Variants in NR1D2 observed in about 807,000 individuals in gnomAD.
NR1D2 encodes V-erbA-related protein 1-related.
In NR1D2, 25 loss-of-function variants were observed where a neutral mutation model predicts 52.2. The observed-to-expected ratio is 0.48, with a 90% CI of 0.35 to 0.67. The LOEUF (loss-of-function observed/expected upper bound fraction) is 0.67. NR1D2 is among the 30% of genes least tolerant of loss of function. NR1D2 has a pLI of 0.01. For synonymous variants in NR1D2, 259 were observed against 230.1 expected, an observed-to-expected ratio of 1.13 and a Z score of -1.14; for missense variants, 681 against 707.2, an observed-to-expected ratio of 0.96 and a Z score of 0.42.
chr3:23,953,466 G>A (rs1467803058), intron 1 of NR1D2, among the ~76,000 whole-genome samples: 1 of 151,044 alleles, frequency 6.6e-6, no homozygotes. Context: ...CAGCCTTACT[G>A]TTATTCTGGT....
chr3:23,962,677 T>C (rs1706316208), intron 5 of NR1D2, 72 bp downstream of exon 5: 2 of 1,417,418 alleles, frequency 1.4e-6, no homozygotes, highest in African/African-American at 2.9e-5. Flanking sequence ...ATTCGGGAGA[T>C]ATGCTAACTT....
At chr3:23,949,147 C>T (rs530144533) in intron 1 of NR1D2, among the ~76,000 whole-genome samples, 9 of 152,244 alleles carry the variant, frequency 5.9e-5, no homozygotes, top group Admixed American at 3.9e-4. Flanking sequence ...GGGCAGATCA[C>T]CTGAGGTCAG....
chr3:23,947,784 G>GT (rs1705792461), intron 1 of NR1D2, among the ~76,000 whole-genome samples: 1 of 150,888 alleles, frequency 6.6e-6, no homozygotes, highest in Admixed American at 6.6e-5. Flanking sequence ...CATGTTTACA[G>GT]TTTCTGCTAT....
chr3:23,958,772 AC>A (rs1197148891), intron 3 of NR1D2, among the ~76,000 whole-genome samples: 1 of 151,696 alleles, frequency 6.6e-6, no homozygotes, highest in African/African-American at 2.4e-5. Flanking sequence ...ACATGGTGAA[AC>A]CCTGTCTCTA....
At chr3:23,963,339 A>T (rs1368221772) in intron 5 of NR1D2, 1 of 1,334,502 alleles carries the variant, frequency 7.5e-7, no homozygotes, top group East Asian at 4.6e-5. Flanking sequence ...AGGTAATTAA[A>T]GTCGTCTTTT....
At chr3:23,945,675 G>A (rs1435146354) in intron 1 of NR1D2, 81 bp downstream of exon 1, 9 of 961,222 alleles carry the variant, frequency 9.4e-6, no homozygotes, top group South Asian at 5.0e-5. Context: ...GGCGGCGGCA[G>A]GGGGTGTCCC....
At chr3:23,953,228 A>T (rs1336354846) in intron 1 of NR1D2, among the ~76,000 whole-genome samples, 2 of 150,852 alleles carry the variant, frequency 1.3e-5, no homozygotes, top group East Asian at 3.9e-4. Context: ...CTGTAGTCCC[A>T]GCTATTCAGG....
chr3:23,966,321 C>A (rs1706450135), intron 6 of NR1D2, among the ~76,000 whole-genome samples: 1 of 152,214 alleles, frequency 6.6e-6, no homozygotes. Context: ...ACCGATTTAA[C>A]TTGGATGTCA....
At chr3:23,950,537 A>C (rs536038388) in intron 1 of NR1D2, among the ~76,000 whole-genome samples, 1 of 152,340 alleles carries the variant, frequency 6.6e-6, no homozygotes, top group South Asian at 2.1e-4. Flanking sequence ...TAAGAAATTA[A>C]AATTTAACCC....
intron 3 of NR1D2, 49 bp downstream of exon 3, chr3:23,956,174 A>T: frequency 3.4e-6 from 5 of 1,458,650 alleles, no homozygotes; most frequent in Non-Finnish European, 4.8e-6. Flanking sequence ...GGATTTAAGA[A>T]GTTGGGTTTA....
At chr3:23,972,823 G>T (rs4858569) in intron 7 of NR1D2, among the ~76,000 whole-genome samples, 2 of 152,084 alleles carry the variant, frequency 1.3e-5, no homozygotes, top group South Asian at 4.1e-4. Flanking sequence ...TTACCATCCA[G>T]CCAGGTTTGT....
At chr3:23,948,409 T>C (rs1046494578) in intron 1 of NR1D2, among the ~76,000 whole-genome samples, 2 of 152,124 alleles carry the variant, frequency 1.3e-5, no homozygotes, top group African/African-American at 4.8e-5. Context: ...TGAAGAAAAG[T>C]TGCTCTACTG....
chr3:23,977,591 A>G lies in NR1D2; in HGVS notation c.*172A>G. On this transcript the variant is annotated 3_prime_UTR_variant, in exon 8 of 8. Coordinates refer to ENST00000312521, the MANE Select transcript of NR1D2 (RefSeq NM_005126.5). ...TGTTCGGATTGAGAACTCTTCAGCC[A>G]TGATTAGACGTTGACTGCATCTCCC... 4.6e-6 allele frequency: 2 copies of G among 436,602 alleles called. No homozygotes were observed. Among genetic ancestry groups the G allele is most frequent in the South Asian group, 7.2e-5 (1 of 13,834 alleles). 27.0% of individuals were successfully genotyped at this position (436,602 alleles called of 1,614,324 possible). A position where few individuals can be genotyped will look rare whatever the true frequency, so the allele number is the denominator to read the frequency against.
intron 7 of NR1D2, among the ~76,000 whole-genome samples, chr3:23,975,834 C>T (rs1457805243): frequency 6.6e-6 from 1 of 152,056 alleles, no homozygotes; most frequent in Non-Finnish European, 1.5e-5. Flanking sequence ...TTGCCCTTTA[C>T]TATTAAATTT....
chr3:23,946,181 C>T, intron 1 of NR1D2: 3 of 985,316 alleles, frequency 3.0e-6, no homozygotes, highest in Non-Finnish European at 3.6e-6. Flanking sequence ...CCCGCTGAGC[C>T]CCCGCGGCGG....
At chr3:23,946,753 T>A (rs1310915183) in intron 1 of NR1D2, among the ~76,000 whole-genome samples, 1 of 152,210 alleles carries the variant, frequency 6.6e-6, no homozygotes, top group Non-Finnish European at 1.5e-5. Context: ...CTGAATCTGA[T>A]CAAGAGAATT....
At chr3:23,952,687 C>T (rs1297895695) in intron 1 of NR1D2, among the ~76,000 whole-genome samples, 1 of 150,516 alleles carries the variant, frequency 6.6e-6, no homozygotes, top group Non-Finnish European at 1.5e-5. Context: ...GGTTGTGCCA[C>T]TGCACTCCAG....
At chr3:23,960,643 G>C (rs1188082967) in intron 4 of NR1D2, among the ~76,000 whole-genome samples, 1 of 152,132 alleles carries the variant, frequency 6.6e-6, no homozygotes, top group Admixed American at 6.5e-5. Context: ...GGAGTTTTTT[G>C]AGTAACAGAT....
intron 1 of NR1D2, among the ~76,000 whole-genome samples, chr3:23,947,708 A>G (rs1705787281): frequency 6.6e-6 from 1 of 152,192 alleles, no homozygotes; most frequent in Non-Finnish European, 1.5e-5. Context: ...ATTTACAATG[A>G]CCATTCTTAA....
Sources: allele counts gnomAD v4.1 joint callset (sites outside exome capture counted in the v4.1 genomes callset), GRCh38; gene constraint gnomAD v4.1.1; transcripts MANE v1.5; gene names NCBI Gene and HGNC (gene_info 2026-07-23, HGNC 2026-07-21).